CDH4: variants seen among roughly 807,000 people sequenced by gnomAD.
The protein encoded by CDH4 is cadherin 4, also known as cadherin-4.
In CDH4, 33 loss-of-function variants were observed where a neutral mutation model predicts 86.0. That is an observed-to-expected ratio of 0.38 (90% confidence interval 0.29 to 0.51). The LOEUF (loss-of-function observed/expected upper bound fraction) is 0.51, where lower values mean the gene tolerates loss of function less well. Ranked by LOEUF, CDH4 falls within the 20% of genes least tolerant of loss-of-function variation. The pLI is 0.86. For synonymous variants in CDH4, 555 were observed against 549.4 expected (o/e 1.01, Z -0.14); for missense variants, 1,114 against 1,307.4 (o/e 0.85, Z 2.28).
intron 2 of CDH4, chr20:61,599,810 C>G (rs1362475146): frequency 3.0e-6 from 3 of 985,622 alleles, no homozygotes; most frequent in Non-Finnish European, 3.6e-6. Flanking sequence ...AATGATGCTG[C>G]CCCTTTCCTG....
At chr20:61,586,800 GACAC>G (rs574484435) in intron 2 of CDH4, among the ~76,000 whole-genome samples, 1 of 152,150 alleles carries the variant, frequency 6.6e-6, no homozygotes, top group Non-Finnish European at 1.5e-5. Context: ...AGAGACAAGA[GACAC>G]ACACAGAGAG....
At chr20:61,758,007 A>G (rs2088586245) in intron 3 of CDH4, among the ~76,000 whole-genome samples, 1 of 152,192 alleles carries the variant, frequency 6.6e-6, no homozygotes, top group African/African-American at 2.4e-5. Context: ...ACTTGGGGAC[A>G]CGACAGAGGA....
At chr20:61,545,505 G>C (rs753542631) in intron 2 of CDH4, among the ~76,000 whole-genome samples, 4 of 152,224 alleles carry the variant, frequency 2.6e-5, no homozygotes, top group Non-Finnish European at 2.9e-5. Context: ...TTCAGTCACT[G>C]TCTGGGCACC....
chr20:61,905,606 A>G (rs762635512), intron 8 of CDH4, among the ~76,000 whole-genome samples: 11 of 152,252 alleles, frequency 7.2e-5, no homozygotes, highest in Admixed American at 2.6e-4. Context: ...TGCTGCCTGC[A>G]AGGGTGCTAG....
At chr20:61,302,310 G>T (rs2050010381) in intron 2 of CDH4, among the ~76,000 whole-genome samples, 1 of 152,204 alleles carries the variant, frequency 6.6e-6, no homozygotes, top group Admixed American at 6.5e-5. Context: ...TCCTCACTGT[G>T]GTGCAGATGT....
intron 2 of CDH4, among the ~76,000 whole-genome samples, chr20:61,599,286 C>G (rs1478549303): frequency 2.6e-5 from 4 of 152,192 alleles, no homozygotes; most frequent in African/African-American, 9.6e-5. Flanking sequence ...GGCAGCTGTG[C>G]CGGGTGTCGG....
chr20:61,605,496 CCCA>C (rs1378397260), intron 2 of CDH4, among the ~76,000 whole-genome samples: 7 of 151,038 alleles, frequency 4.6e-5, no homozygotes, highest in African/African-American at 1.7e-4. Flanking sequence ...TCTCTCTCCC[CCCA>C]TGTCTCTCCC....
intron 3 of CDH4, among the ~76,000 whole-genome samples, chr20:61,750,293 A>G (rs371213368): frequency 2.0e-5 from 3 of 152,356 alleles, no homozygotes; most frequent in African/African-American, 7.2e-5. Context: ...TGAAAAGATG[A>G]CATCATGACT....
intron 6 of CDH4, among the ~76,000 whole-genome samples, chr20:61,870,499 G>A (rs13044124): frequency 0.16 from 24,668 of 152,078 alleles, 2,298 homozygotes; most frequent in South Asian, 0.23. Context: ...ACTGGTCAGG[G>A]CTTTGCTTCT....
At chr20:61,404,249 G>A (rs571789724) in intron 2 of CDH4, among the ~76,000 whole-genome samples, 3 of 151,952 alleles carry the variant, frequency 2.0e-5, no homozygotes, top group Non-Finnish European at 4.4e-5. Flanking sequence ...TGCAGCCCCC[G>A]CCCCCTTCCT....
Position 61,294,529 on chromosome 20 carries a change from C to T in CDH4, c.169+39592C>T, listed in dbSNP as rs188520513. On this transcript the variant is annotated intron_variant, in intron 2 of 15. Transcript: ENST00000614565. ...CCCTTTAATGGACGGCTGAGTGGCC[C>T]GGAAAGGCTGCAGAACTGGCCCACG... 2.4e-3 allele frequency among the ~76,000 whole-genome samples: 371 copies of T among 152,310 alleles called. 1 individual carries two copies. The highest frequency in any genetic ancestry group is 8.3e-3 in the African/African-American group (346 of 41,566).
At chr20:61,613,850 G>A (rs1257661893) in intron 2 of CDH4, among the ~76,000 whole-genome samples, 1 of 151,810 alleles carries the variant, frequency 6.6e-6, no homozygotes, top group African/African-American at 2.4e-5. Context: ...GCTCAAATTG[G>A]TGGGAGGGGG....
At chr20:61,749,804 T>C (rs1185047633) in intron 3 of CDH4, among the ~76,000 whole-genome samples, 7 of 152,222 alleles carry the variant, frequency 4.6e-5, no homozygotes, top group South Asian at 2.1e-4. Context: ...CTCGTGCCTG[T>C]AATCCCAGCG....
intron 2 of CDH4, among the ~76,000 whole-genome samples, chr20:61,490,049 C>T (rs1301076016): frequency 1.3e-5 from 2 of 152,156 alleles, no homozygotes; most frequent in African/African-American, 4.8e-5. Flanking sequence ...GGTTGATGAC[C>T]ATCACATTGG....
rs73915372 is a variant in CDH4, at chr20:61,726,395, T to C, written c.170-17168T>C. 9.6e-3 allele frequency among the ~76,000 whole-genome samples: 1,457 copies of C among 152,202 alleles called. 19 individuals are homozygous for C. The highest frequency in any genetic ancestry group is 0.033 in the African/African-American group (1,374 of 41,528). On this transcript the variant is annotated intron_variant, in intron 2 of 15. Transcript: ENST00000614565. ...ACTGATACATCTTGAAGGCAGAGAC[T>C]ACATTTCGGAAATCAGGGTGTGCTG...
chr20:61,434,501 G>A (rs1003804120), intron 2 of CDH4: 1 of 152,152 alleles, frequency 6.6e-6, no homozygotes, highest in African/African-American at 2.4e-5. Flanking sequence ...TGCATTAGAG[G>A]CGGTGCTGTA....
chr20:61,331,636 GA>G (rs2084577143), intron 2 of CDH4, among the ~76,000 whole-genome samples: 5 of 40,466 alleles, frequency 1.2e-4, no homozygotes, highest in Non-Finnish European at 2.2e-4. Context: ...TCCTGCCCCA[GA>G]CCCACCTCCC....
chr20:61,267,688 C>G (rs1214425455), intron 2 of CDH4, among the ~76,000 whole-genome samples: 1 of 152,104 alleles, frequency 6.6e-6, no homozygotes, highest in East Asian at 1.9e-4. Flanking sequence ...TTTTGTTAAT[C>G]TAAAGGTCTG....
At chr20:61,444,973 C>T (rs2085340261) in intron 2 of CDH4, among the ~76,000 whole-genome samples, 1 of 150,914 alleles carries the variant, frequency 6.6e-6, no homozygotes, top group Non-Finnish European at 1.5e-5. Flanking sequence ...GTGTGGGTTT[C>T]TTTGCGTGTG....
Sources: allele counts gnomAD v4.1 joint callset (sites outside exome capture counted in the v4.1 genomes callset), GRCh38; gene constraint gnomAD v4.1.1; transcripts MANE v1.5; gene names NCBI Gene and HGNC (gene_info 2026-07-23, HGNC 2026-07-21).